ACOX1: variants seen among roughly 807,000 people sequenced by gnomAD.
ACOX1 encodes the protein acyl-CoA oxidase 1, also known as peroxisomal acyl-coenzyme A oxidase 1.
In ACOX1, 41 loss-of-function variants were observed where a neutral mutation model predicts 75.5. The ratio of observed to expected loss-of-function variants is 0.54; its 90% CI spans 0.42 to 0.70. The LOEUF (loss-of-function observed/expected upper bound fraction) is 0.70. Ranked by LOEUF, ACOX1 falls within the 30% of genes least tolerant of loss-of-function variation. The pLI is 0.00. For synonymous variants in ACOX1, 303 were observed against 298.8 expected (o/e 1.01, Z -0.15); for missense variants, 630 against 837.5 (o/e 0.75, Z 3.06).
rs1280243706 is a variant in ACOX1 at position 75,945,576 on chromosome 17, T to A, written c.*1172A>T. The A allele has an allele frequency of 4.6e-5, 7 of 153,550 alleles. No individual in the cohort carries two copies. Among genetic ancestry groups the A allele is most frequent in the Non-Finnish European group, 1.0e-4 (7 of 68,020 alleles). 9.5% of individuals were successfully genotyped at this position (153,550 alleles called of 1,614,324 possible). A position where few individuals can be genotyped will look rare whatever the true frequency, so the allele number is the denominator to read the frequency against. ...AAAAAACAAAACAAAGTGACTTACATTGACTTTAAGAAAAAATTAATTAAG... is the reference window on the plus strand; with the variant it reads ...AAAAAACAAAACAAAGTGACTTACAATGACTTTAAGAAAAAATTAATTAAG... On this transcript the variant is annotated 3_prime_UTR_variant, in exon 14 of 14. Coordinates refer to ENST00000293217, the MANE Select transcript of ACOX1 (RefSeq NM_004035.7).
At chr17:75,961,465 C>CAAAAA (rs142857967) in intron 2 of ACOX1, among the ~76,000 whole-genome samples, 5 of 50,784 alleles carry the variant, frequency 9.8e-5, no homozygotes, top group Non-Finnish European at 1.4e-4. Flanking sequence ...ACTAAAAATA[C>CAAAAA]AAAAAAAAAA....
chr17:75,972,019 C>T (rs376046545), intron 2 of ACOX1, among the ~76,000 whole-genome samples: 1 of 152,082 alleles, frequency 6.6e-6, no homozygotes, highest in East Asian at 1.9e-4. Context: ...ACAGATACTC[C>T]AAGCGAGGAG....
In ACOX1 at chr17:75,960,740, G is replaced by A. The variant is rs937127457; in HGVS notation, c.270-365C>T. The stretch of plus-strand genomic sequence containing the variant: ...TGCCTACAATCTCAGCACTTTGGGA[G>A]GCCAAGGCGGTCAGATCACCTTAAG... On this transcript the variant is annotated intron_variant, in intron 2 of 13. Coordinates refer to ENST00000293217, the MANE Select transcript of ACOX1 (RefSeq NM_004035.7). This position sits in a 1 kb window ranked among gnomAD's most constrained non-coding sequence, Gnocchi z 4.4. Among the ~76,000 whole-genome samples the A allele has an allele frequency of 3.9e-5, 6 of 152,202 alleles. No individual in the cohort carries two copies. Among genetic ancestry groups the A allele is most frequent in the African/African-American group, 1.4e-4 (6 of 41,450 alleles).
chr17:75,965,153 C>T (rs908835679), intron 2 of ACOX1, among the ~76,000 whole-genome samples: 3 of 151,828 alleles, frequency 2.0e-5, no homozygotes, highest in South Asian at 2.1e-4. Flanking sequence ...CTGGCTAACA[C>T]GGCGAAACCC....
At chr17:75,948,562 T>A in intron 12 of ACOX1, 105 bp from the exon 13 acceptor site, 1 of 1,105,810 alleles carries the variant, frequency 9.0e-7, no homozygotes, top group East Asian at 2.6e-5. Flanking sequence ...TTTTTTCTTT[T>A]TTTTTTTTTG....
chr17:75,945,492 A>G lies in ACOX1; in HGVS notation c.*1256T>C, dbSNP rs574718374. The G allele has an allele frequency of 6.5e-6, 1 of 152,814 alleles. No homozygotes were observed. The highest frequency in any genetic ancestry group is 1.9e-4 in the East Asian group (1 of 5,184). 9.5% of individuals were successfully genotyped at this position (152,814 alleles called of 1,614,324 possible). On this transcript the variant is annotated 3_prime_UTR_variant, in exon 14 of 14. Transcript: ENST00000293217. ...AGTTATGTTTCCATGGAATTAAGCC[A>G]TATTCTCAGGACTGATTCTAGAACA...
At chr17:75,974,650 T>A (rs1401717173) in intron 2 of ACOX1, among the ~76,000 whole-genome samples, 1 of 152,174 alleles carries the variant, frequency 6.6e-6, no homozygotes, top group African/African-American at 2.4e-5. Flanking sequence ...TCCTAACCTG[T>A]GCAATGAGCA....
intron 3 of ACOX1, among the ~76,000 whole-genome samples, chr17:75,958,668 C>T (rs890631597): frequency 4.0e-5 from 6 of 151,836 alleles, no homozygotes; most frequent in South Asian, 2.1e-4. Context: ...ATTAGCTGGG[C>T]ATGGTGGTGG....
At chr17:75,954,757 A>G (rs995977193) in intron 6 of ACOX1, among the ~76,000 whole-genome samples, 1 of 150,906 alleles carries the variant, frequency 6.6e-6, no homozygotes, top group African/African-American at 2.4e-5. Flanking sequence ...TTTTTAGTAG[A>G]GACAGGTTTT....
chr17:75,954,509 ACT>A lies in ACOX1; in HGVS notation c.775-891_775-890del, dbSNP rs200331062. Among the ~76,000 whole-genome samples the A allele has an allele frequency of 2.7e-3, 339 of 127,710 alleles. 1 individual carries two copies. The highest frequency in any genetic ancestry group is 0.021 in the Middle Eastern group (5 of 242). The allele number at this position is 127,710 out of a possible 152,430, so 83.8% of individuals were successfully genotyped here. On this transcript the variant is annotated intron_variant, in intron 6 of 13. Transcript: ENST00000293217. ...CTGCACTCCAGCATGGGTGACAGAGACTCTCTCTCTCAAAAAAAAAAAAAAGG... is the reference window on the plus strand; with the variant it reads ...CTGCACTCCAGCATGGGTGACAGAGACTCTCTCTCAAAAAAAAAAAAAAGG...
At chr17:75,970,464 C>A (rs2065984022) in intron 2 of ACOX1, among the ~76,000 whole-genome samples, 1 of 152,286 alleles carries the variant, frequency 6.6e-6, no homozygotes, top group Middle Eastern at 3.4e-3. Flanking sequence ...CCCAGACCCA[C>A]AGGGCAGGTG....
Position 75,948,520 on chromosome 17 carries a change from G to A in ACOX1, c.1729-63C>T. The A allele has an allele frequency of 1.2e-5, 16 of 1,319,110 alleles. No homozygotes were observed. The South Asian group carries it at 1.4e-4, about 12-fold the overall frequency. 81.7% of individuals were successfully genotyped at this position (1,319,110 alleles called of 1,614,324 possible). On this transcript the variant is annotated intron_variant, in intron 12 of 13. Transcript: ENST00000293217. The stretch of plus-strand genomic sequence containing the variant: ...TGTATATAGATAGACATAATTATAT[G>A]CATATACAGCTATAAAGCGGATGAC...
intron 2 of ACOX1, among the ~76,000 whole-genome samples, chr17:75,961,498 C>T (rs1246221627): frequency 1.4e-5 from 2 of 145,188 alleles, no homozygotes; most frequent in African/African-American, 2.6e-5. Flanking sequence ...GGCCGGGCAC[C>T]GTGGCTCATG....
At chr17:75,964,057 G>A (rs907716848) in intron 2 of ACOX1, among the ~76,000 whole-genome samples, 2 of 151,514 alleles carry the variant, frequency 1.3e-5, no homozygotes, top group African/African-American at 4.9e-5. Flanking sequence ...GGTGGCAGGC[G>A]CTGGTTATCC....
rs2065671017 is a variant in ACOX1, at chr17:75,941,612, G to GA, written c.*5135_*5136insT. On this transcript the variant is annotated 3_prime_UTR_variant, in exon 14 of 14. Transcript: ENST00000293217. ...TTACCCGCAGTGCTGGCAGGTCACA[G>GA]CTGTCCAACCATGATCCATTCACAT... 6.6e-6 allele frequency: 1 copy of GA among 152,296 alleles called. No individual in the cohort carries two copies. The highest frequency in any genetic ancestry group is 2.4e-5 in the African/African-American group (1 of 41,440). 9.4% of individuals were successfully genotyped at this position (152,296 alleles called of 1,614,324 possible). A position where few individuals can be genotyped will look rare whatever the true frequency, so the allele number is the denominator to read the frequency against.
In ACOX1 at chr17:75,950,493, G is replaced by T. The variant is rs530410417; in HGVS notation, c.1298+281C>A. ...TCTTGAACTCCTTACCTCATGATCTGCCCACCTCAGCTTCCCAAAGTGCTG... is the reference window on the plus strand; with the variant it reads ...TCTTGAACTCCTTACCTCATGATCTTCCCACCTCAGCTTCCCAAAGTGCTG... On this transcript the variant is annotated intron_variant, in intron 9 of 13. Transcript: ENST00000293217. This position sits in a 1 kb window ranked among gnomAD's most constrained non-coding sequence, Gnocchi z 4.3. Among the ~76,000 whole-genome samples the T allele has an allele frequency of 6.6e-6, 1 of 151,536 alleles. No homozygotes were observed. Among genetic ancestry groups the T allele is most frequent in the African/African-American group, 2.4e-5 (1 of 41,284 alleles).
chr17:75,973,547 A>G, intron 2 of ACOX1: 1 of 1,501,840 alleles, frequency 6.7e-7, no homozygotes, highest in South Asian at 1.1e-5. Flanking sequence ...GTAGCAGCAG[A>G]AAAAAGTCAA....
intron 13 of ACOX1, among the ~76,000 whole-genome samples, chr17:75,947,686 TTGTG>T (rs139373608): frequency 8.7e-5 from 13 of 149,542 alleles, no homozygotes; most frequent in African/African-American, 2.7e-4. Flanking sequence ...TTTATTCTAT[TTGTG>T]TGTGTGTGTG....
At chr17:75,968,044 A>T (rs2065955418) in intron 2 of ACOX1, among the ~76,000 whole-genome samples, 1 of 151,562 alleles carries the variant, frequency 6.6e-6, no homozygotes, top group African/African-American at 2.4e-5. Flanking sequence ...CAGCCAAAAA[A>T]CCGTATTTTA....
Sources: allele counts gnomAD v4.1 joint callset (sites outside exome capture counted in the v4.1 genomes callset), GRCh38; gene constraint gnomAD v4.1.1; non-coding constraint Gnocchi (gnomAD v3.1); transcripts MANE v1.5; gene names NCBI Gene and HGNC (gene_info 2026-07-23, HGNC 2026-07-21).